NLRP14: variants seen among roughly 807,000 people sequenced by gnomAD.
NLRP14 encodes the protein NACHT, LRR and PYD domains-containing protein 14.
In NLRP14, 105 loss-of-function variants were observed where a neutral mutation model predicts 94.7. The observed-to-expected ratio is 1.11, with a 90% CI of 0.95 to 1.30. NLRP14 has a LOEUF of 1.30. Among genes scored for constraint, NLRP14 ranks in the 50% most tolerant of loss-of-function variants. The pLI is 0.00. For missense variants in NLRP14, 1,362 were observed against 1,254.1 expected, an observed-to-expected ratio of 1.09 and a Z score of -1.30; for synonymous variants, 508 against 459.9, an observed-to-expected ratio of 1.10 and a Z score of -1.34.
rs1417275117 is a variant in NLRP14 at position 7,050,548 on chromosome 11, T to C, written c.2291+710T>C. Among the ~76,000 whole-genome samples, 4 of 152,168 alleles carry C rather than the reference T, an allele frequency of 2.6e-5. No homozygotes were observed. The East Asian group carries it at 7.7e-4, about 29-fold the overall frequency. On this transcript the variant is annotated intron_variant, in intron 6 of 11. Transcript: ENST00000299481. Reference sequence around the variant, plus strand: ...GTTACAGTAAGTTTTGCATTAGAAGTTTTTATAAGCCCTGGACTCAGTTCA... The same window carrying C: ...GTTACAGTAAGTTTTGCATTAGAAGCTTTTATAAGCCCTGGACTCAGTTCA...
At chr11:7,077,242 G>A in the NLRP14 span, among the ~76,000 whole-genome samples, 3 of 152,240 alleles carry the variant, frequency 2.0e-5, no homozygotes, top group Non-Finnish European at 2.9e-5. Flanking sequence ...TGGTAGGGGC[G>A]TGGGTGCGGC....
At chr11:7,068,085 T>G (rs1368893452) in intron 10 of NLRP14, among the ~76,000 whole-genome samples, 1 of 152,152 alleles carries the variant, frequency 6.6e-6, no homozygotes, top group Non-Finnish European at 1.5e-5. Flanking sequence ...AGTATTTTAT[T>G]ATTTGCTTAA....
downstream of NLRP14, among the ~76,000 whole-genome samples, chr11:7,074,590 C>T (rs373259548): frequency 2.7e-4 from 41 of 152,264 alleles, no homozygotes; most frequent in African/African-American, 9.9e-4. Flanking sequence ...ATTTCTGAAA[C>T]CATTTCAGAG....
At position 7,046,752 on chromosome 11, in the gene NLRP14, C is replaced by A. The variant is rs1485632770; in HGVS notation, c.2043C>A (p.Tyr681Ter). Residue 681 changes from tyrosine (Y) to a stop codon, truncating the protein, a stop_gained, in exon 5 of 12, where the codon TAC (tyrosine) becomes TAA (stop). Coordinates refer to ENST00000299481, the MANE Select transcript of NLRP14 (RefSeq NM_176822.4). LOFTEE classifies it high-confidence loss of function. ...AACACTTGAGAGAATTGGACCTGTA[C>A]CATAGCAACCTTGATAAATCAGCAA... ...TNEHLRELDL[Y>*]HSNLDKSAMN... The A allele has an allele frequency of 6.2e-7, 1 of 1,613,060 alleles. No homozygotes were observed. The highest frequency in any genetic ancestry group is 1.7e-5 in the Admixed American group (1 of 60,022).
At chr11:7,084,242 A>G in the NLRP14 span, among the ~76,000 whole-genome samples, 51 of 152,318 alleles carry the variant, frequency 3.3e-4, no homozygotes, top group African/African-American at 1.2e-3. Flanking sequence ...AAAAGAGTCT[A>G]CCTGCTCCTC....
At chr11:7,058,662 C>T (rs779349387) in intron 8 of NLRP14, among the ~76,000 whole-genome samples, 1 of 151,896 alleles carries the variant, frequency 6.6e-6, no homozygotes, top group Non-Finnish European at 1.5e-5. Flanking sequence ...AAATAGTACC[C>T]GATGGTGTCA....
intron 1 of NLRP14, among the ~76,000 whole-genome samples, chr11:7,031,751 CT>C (rs1461977055): frequency 6.6e-6 from 1 of 152,190 alleles, no homozygotes; most frequent in South Asian, 2.1e-4. Context: ...GAGTCTTCCC[CT>C]AGCCCCTCTC....
the NLRP14 span, among the ~76,000 whole-genome samples, chr11:7,078,899 C>A: frequency 2.8e-4 from 43 of 152,320 alleles, no homozygotes; most frequent in East Asian, 6.9e-3. Context: ...GGTTGCTCCA[C>A]ATGTCTGGAC....
chr11:7,050,065 C>T (rs1040437597), intron 6 of NLRP14, among the ~76,000 whole-genome samples: 1 of 151,932 alleles, frequency 6.6e-6, no homozygotes, highest in African/African-American at 2.4e-5. Context: ...CTCTGTGTCT[C>T]CATCTCCTAA....
the NLRP14 span, chr11:7,090,422 C>T: frequency 2.4e-6 from 3 of 1,254,562 alleles, no homozygotes; most frequent in South Asian, 1.3e-5. Context: ...TTAAGAATTT[C>T]CTGTTAAGAT....
rs559905104 is a variant in NLRP14, at chr11:7,069,233, A to T, written c.2976-1053A>T. ...AAGGAAGATTTTGTGTGATATTTAC[A>T]TACCCTGTCTCATAATTAGTGGGAC... On this transcript the variant is annotated intron_variant, in intron 10 of 11. Transcript: ENST00000299481. Among the ~76,000 whole-genome samples, 3 of 152,346 alleles carry T rather than the reference A, an allele frequency of 2.0e-5. No homozygotes were observed. In the South Asian group the frequency reaches 6.2e-4, roughly 32 times the overall value.
At chr11:7,065,629 T>C (rs1229006645) in intron 10 of NLRP14, among the ~76,000 whole-genome samples, 1 of 152,152 alleles carries the variant, frequency 6.6e-6, no homozygotes, top group African/African-American at 2.4e-5. Flanking sequence ...TTCACAATGT[T>C]TGAAGCACAA....
chr11:7,080,034 A>G, the NLRP14 span, among the ~76,000 whole-genome samples: 3 of 152,222 alleles, frequency 2.0e-5, no homozygotes, highest in South Asian at 6.2e-4. Context: ...TTACCAGGGC[A>G]GGGGGAACAC....
intron 6 of NLRP14, among the ~76,000 whole-genome samples, chr11:7,052,688 T>C (rs1318162156): frequency 6.6e-6 from 1 of 152,092 alleles, no homozygotes; most frequent in African/African-American, 2.4e-5. Flanking sequence ...ATGGCAAATA[T>C]CCACAGCTGT....
the NLRP14 span, among the ~76,000 whole-genome samples, chr11:7,087,901 C>T: frequency 1.3e-5 from 2 of 152,110 alleles, no homozygotes; most frequent in African/African-American, 2.4e-5. Flanking sequence ...AGGATCATTA[C>T]ATAAAAAAGG....
At chr11:7,075,219 G>C (rs902797687), downstream of NLRP14, among the ~76,000 whole-genome samples, 2 of 152,130 alleles carry the variant, frequency 1.3e-5, no homozygotes, top group African/African-American at 4.8e-5. Flanking sequence ...GGGGACTTTG[G>C]ATTTTATTAT....
At chr11:7,079,465 A>G in the NLRP14 span, among the ~76,000 whole-genome samples, 5 of 152,272 alleles carry the variant, frequency 3.3e-5, no homozygotes, top group Non-Finnish European at 7.3e-5. Context: ...CGTAGAGAAC[A>G]GTGTATAAAC....
chr11:7,079,679 A>C, the NLRP14 span, among the ~76,000 whole-genome samples: 1 of 152,210 alleles, frequency 6.6e-6, no homozygotes, highest in Non-Finnish European at 1.5e-5. Flanking sequence ...ACTGAGACAA[A>C]AGACAAAGGG....
the NLRP14 span, among the ~76,000 whole-genome samples, chr11:7,082,245 C>T: frequency 6.6e-6 from 1 of 152,226 alleles, no homozygotes; most frequent in African/African-American, 2.4e-5. Context: ...GAATAGGAGG[C>T]TTTTAACTCA....
Sources: allele counts gnomAD v4.1 joint callset (sites outside exome capture counted in the v4.1 genomes callset), GRCh38; gene constraint gnomAD v4.1.1; transcripts MANE v1.5; gene names NCBI Gene and HGNC (gene_info 2026-07-23, HGNC 2026-07-21).